URM1: variants seen among roughly 807,000 people sequenced by gnomAD.
URM1 encodes the protein ubiquitin related modifier 1.
URM1 carries 11 observed loss-of-function variants against 17.7 expected under a neutral mutation model. The observed-to-expected ratio is 0.62, with a 90% CI of 0.39 to 1.03. The LOEUF is 1.03. Among genes scored for constraint, URM1 ranks in the 50% least tolerant of loss-of-function variants. URM1 has a pLI of 0.00. For missense variants in URM1, 128 were observed against 129.2 expected, an observed-to-expected ratio of 0.99 and a Z score of 0.04; for synonymous variants, 48 against 50.6, an observed-to-expected ratio of 0.95 and a Z score of 0.22.
chr9:128,381,219 G>A (rs1157033605), intron 2 of URM1, among the ~76,000 whole-genome samples: 1 of 152,194 alleles, frequency 6.6e-6, no homozygotes, highest in African/African-American at 2.4e-5. Context: ...TCATTAGTGA[G>A]CAAAATAGAT....
intron 3 of URM1, 124 bp downstream of exon 3, chr9:128,388,021 TC>T: frequency 6.9e-7 from 1 of 1,441,078 alleles, no homozygotes; most frequent in African/African-American, 1.4e-5. Flanking sequence ...CCCTAACTCT[TC>T]CAGCTCTGAG....
At chr9:128,388,615 G>A in intron 3 of URM1, 5 of 986,282 alleles carry the variant, frequency 5.1e-6, no homozygotes, top group Non-Finnish European at 6.0e-6. Flanking sequence ...AGTGGTCCTG[G>A]AGGCCACCTC....
intron 2 of URM1, among the ~76,000 whole-genome samples, chr9:128,386,412 C>T (rs943041911): frequency 1.3e-5 from 2 of 152,198 alleles, no homozygotes; most frequent in Admixed American, 6.5e-5. Context: ...CTCCAGGGAC[C>T]GTGAAGACTC....
chr9:128,377,912 G>A (rs1237750287), intron 1 of URM1, 124 bp from the exon 2 acceptor site: 1 of 921,652 alleles, frequency 1.1e-6, no homozygotes, highest in African/African-American at 1.7e-5. Flanking sequence ...AGGTGTTTCT[G>A]CACCTTAGTC....
rs1432936021 is a variant in URM1, at chr9:128,390,872, TCAGA to T, written c.*1141_*1144del. The T allele has an allele frequency of 6.6e-6, 1 of 152,590 alleles. No individual in the cohort carries two copies. The highest frequency in any genetic ancestry group is 1.5e-5 in the Non-Finnish European group (1 of 68,272). The allele number at this position is 152,590 out of a possible 1,614,324, so 9.5% of individuals were successfully genotyped here. On this transcript the variant is annotated 3_prime_UTR_variant, in exon 5 of 5. Transcript: ENST00000372853. ...CCAAAAGAGGGGTGGGGGTGAACAC[TCAGA>T]CAATCTGAGAGGGGGTAGTCTAATA...
At chr9:128,379,376 G>A (rs1464493336) in intron 2 of URM1, among the ~76,000 whole-genome samples, 1 of 152,066 alleles carries the variant, frequency 6.6e-6, no homozygotes, top group African/African-American at 2.4e-5. Context: ...CTACTTGGGA[G>A]GCTGAAGCAG....
intron 2 of URM1, among the ~76,000 whole-genome samples, chr9:128,382,343 G>A (rs1833169601): frequency 6.6e-6 from 1 of 152,176 alleles, no homozygotes. Flanking sequence ...CTGGGGGTCA[G>A]GGGCCTGGTG....
chr9:128,371,482 C>T, intron 1 of URM1, 67 bp downstream of exon 1: 2 of 1,545,412 alleles, frequency 1.3e-6, no homozygotes, highest in Non-Finnish European at 1.8e-6. Flanking sequence ...TCCTTTCCTT[C>T]TGCCGTGGGG....
rs1833188250 is a variant in URM1, at chr9:128,383,581, G to A, written c.107-4235G>A. ...TGCATTTGTTGGCATGGTCCCCGTG[G>A]ACCATTCAGGCCCAGTGGGTGGGAA... On this transcript the variant is annotated intron_variant, in intron 2 of 4. Coordinates refer to ENST00000372853, the MANE Select transcript of URM1 (RefSeq NM_030914.4). Among the ~76,000 whole-genome samples the A allele has an allele frequency of 2.0e-5, 3 of 152,188 alleles. 1 individual carries two copies. The South Asian group carries it at 6.2e-4, about 32-fold the overall frequency.
At chr9:128,389,140 G>T in intron 3 of URM1, 121 bp from the exon 4 acceptor site, 1 of 1,484,302 alleles carries the variant, frequency 6.7e-7, no homozygotes, top group Admixed American at 2.4e-5. Flanking sequence ...TCTTTAGCCA[G>T]ACCCCAGGAG....
At chr9:128,383,255 G>A (rs1186036292) in intron 2 of URM1, among the ~76,000 whole-genome samples, 1 of 152,074 alleles carries the variant, frequency 6.6e-6, no homozygotes, top group East Asian at 1.9e-4. Context: ...CAATGAGGAG[G>A]TCCCCTCGCA....
intron 2 of URM1, 152 bp downstream of exon 2, chr9:128,378,258 G>A: frequency 1.7e-6 from 1 of 582,422 alleles, no homozygotes; most frequent in Non-Finnish European, 2.9e-6. Flanking sequence ...AGTCTACACG[G>A]CTGGGCCGGG....
chr9:128,374,831 G>A (rs1588577796), intron 1 of URM1, among the ~76,000 whole-genome samples: 2 of 152,350 alleles, frequency 1.3e-5, no homozygotes, highest in African/African-American at 2.4e-5. Flanking sequence ...AGCATGGGGC[G>A]CTGAAAGAGC....
chr9:128,382,986 C>T (rs1351291577), intron 2 of URM1, among the ~76,000 whole-genome samples: 1 of 152,138 alleles, frequency 6.6e-6, no homozygotes, highest in Admixed American at 6.5e-5. Context: ...GCCTGTCTTC[C>T]CCTGTCCTGC....
chr9:128,373,436 G>A lies in URM1; in HGVS notation c.35+2021G>A, dbSNP rs112007345. ...TTCATTTTCTCTCTTTTGTCCCTTA[G>A]TGGCCCCACTCCCACTCCAGTTCTG... On this transcript the variant is annotated intron_variant, in intron 1 of 4. Coordinates refer to ENST00000372853, the MANE Select transcript of URM1 (RefSeq NM_030914.4). Among the ~76,000 whole-genome samples, 336 of 152,040 alleles carry A rather than the reference G, an allele frequency of 2.2e-3. 2 individuals carry two copies. The highest frequency in any genetic ancestry group is 7.6e-3 in the African/African-American group (316 of 41,462).
At chr9:128,371,355 T>C (rs1443998566), upstream of URM1, 4 of 1,609,462 alleles carry the variant, frequency 2.5e-6, no homozygotes, top group Non-Finnish European at 3.4e-6. Context: ...TTGAGGGGAG[T>C]TTCCTGCGAG....
chr9:128,373,603 A>T (rs1833040077), intron 1 of URM1, among the ~76,000 whole-genome samples: 1 of 152,172 alleles, frequency 6.6e-6, no homozygotes, highest in South Asian at 2.1e-4. Flanking sequence ...TGTTCTCAGC[A>T]GAGCGTTTTC....
At chr9:128,389,033 G>C in intron 3 of URM1, 3 of 1,349,952 alleles carry the variant, frequency 2.2e-6, no homozygotes, top group Non-Finnish European at 2.8e-6. Context: ...TGGTGGTGCT[G>C]GCTGGCATTT....
chr9:128,378,542 CAAAAAA>C (rs58676800), intron 2 of URM1, among the ~76,000 whole-genome samples: 9 of 23,024 alleles, frequency 3.9e-4, no homozygotes, highest in Non-Finnish European at 7.3e-4. Flanking sequence ...GACTCCATCT[CAAAAAA>C]AAAAAAAAAA....
Sources: gnomAD v4.1 joint callset for allele counts (sites outside exome capture counted in the v4.1 genomes callset) on GRCh38, gnomAD v4.1.1 for gene constraint, MANE v1.5 for transcripts, NCBI Gene and HGNC (gene_info 2026-07-23, HGNC 2026-07-21) for gene names.